Variants in ZFP1 observed in about 807,000 individuals in gnomAD.
ZFP1 encodes zinc finger protein 1 homolog.
In ZFP1, 32 loss-of-function variants were observed where a neutral mutation model predicts 38.5. That is an observed-to-expected ratio of 0.83 (90% confidence interval 0.63 to 1.12). ZFP1 has a LOEUF of 1.12. ZFP1 is among the 50% of genes most tolerant of loss of function. ZFP1 has a pLI of 0.00. For missense variants in ZFP1, 616 were observed against 480.8 expected (o/e 1.28, Z -2.63); for synonymous variants, 245 against 168.8 (o/e 1.45, Z -3.50).
At chr16:75,151,946 T>C (rs1450485996) in intron 1 of ZFP1, among the ~76,000 whole-genome samples, 2 of 152,192 alleles carry the variant, frequency 1.3e-5, no homozygotes, top group African/African-American at 4.8e-5. Context: ...TGAAAGATAT[T>C]TTTGCTGGGT....
chr16:75,135,230 A>AAAAAAAAAAAAAAAC, the ZFP1 span, among the ~76,000 whole-genome samples: 1 of 9,466 alleles, frequency 1.1e-4, no homozygotes, highest in Non-Finnish European at 2.6e-4. Flanking sequence ...AAAAAAAAAA[A>AAAAAAAAAAAAAAAC]AAACCACTGG....
upstream of ZFP1, among the ~76,000 whole-genome samples, chr16:75,144,861 C>T (rs2036926705): frequency 6.6e-6 from 1 of 152,100 alleles, no homozygotes; most frequent in African/African-American, 2.4e-5. Context: ...AACAGAGTCT[C>T]ATTCTACTAC....
upstream of ZFP1, among the ~76,000 whole-genome samples, chr16:75,146,375 G>T (rs559625305): frequency 1.3e-5 from 2 of 151,994 alleles, no homozygotes; most frequent in Non-Finnish European, 2.9e-5. Context: ...CGCTGTGTTA[G>T]CCAGGATGGT....
the ZFP1 span, among the ~76,000 whole-genome samples, chr16:75,133,425 C>A: frequency 6.6e-6 from 1 of 152,142 alleles, no homozygotes; most frequent in Non-Finnish European, 1.5e-5. Flanking sequence ...CTCCTCCCAC[C>A]CTCCACCGTC....
chr16:75,133,993 G>A, the ZFP1 span, among the ~76,000 whole-genome samples: 1 of 152,074 alleles, frequency 6.6e-6, no homozygotes, highest in Non-Finnish European at 1.5e-5. Flanking sequence ...AGGTTGCAGT[G>A]AGCCAAGATC....
chr16:75,139,483 G>A, the ZFP1 span, among the ~76,000 whole-genome samples: 1 of 151,650 alleles, frequency 6.6e-6, no homozygotes, highest in Non-Finnish European at 1.5e-5. Context: ...CTTGAGCCCA[G>A]GAGTTTGAGA....
the ZFP1 span, among the ~76,000 whole-genome samples, chr16:75,140,950 C>G: frequency 3.9e-5 from 6 of 152,058 alleles, no homozygotes; most frequent in East Asian, 5.9e-4. Context: ...CAGAGCAAGA[C>G]TCCATCTCAA....
chr16:75,158,541 A>C lies in ZFP1; in HGVS notation c.15+5575A>C, dbSNP rs544489047. On this transcript the variant is annotated intron_variant, in intron 2 of 3. Transcript: ENST00000570010. The stretch of plus-strand genomic sequence containing the variant: ...TTTTTATTTTTTTTGTCGTGATGAG[A>C]TCTTGCCTCCCAAAGGGCTGGGATT... Among the ~76,000 whole-genome samples the C allele has an allele frequency of 2.1e-4, 31 of 147,962 alleles. No individual in the cohort carries two copies. In the East Asian group the frequency reaches 6.1e-3, roughly 29 times the overall value.
chr16:75,147,316 C>A (rs553510136), upstream of ZFP1, among the ~76,000 whole-genome samples: 1 of 152,158 alleles, frequency 6.6e-6, no homozygotes, highest in Non-Finnish European at 1.5e-5. Flanking sequence ...GAGACAGGGT[C>A]ACCCAAGCTG....
Position 75,167,993 on chromosome 16 carries a change from G to A in ZFP1, c.142+1097G>A, listed in dbSNP as rs143410488. Among the ~76,000 whole-genome samples, 16 of 152,084 alleles carry A rather than the reference G, an allele frequency of 1.1e-4. 1 individual carries two copies. The highest frequency in any genetic ancestry group is 7.2e-4 in the Admixed American group (11 of 15,286). Reference sequence around the variant, plus strand: ...CTGTAATCCCAGCTACTCGGGAGACGGAGGTTGCAGTGAGCTGAGATCACA... The same window carrying A: ...CTGTAATCCCAGCTACTCGGGAGACAGAGGTTGCAGTGAGCTGAGATCACA... On this transcript the variant is annotated intron_variant, in intron 3 of 3. Coordinates refer to ENST00000570010, the MANE Select transcript of ZFP1 (RefSeq NM_153688.4).
At chr16:75,145,026 T>C (rs2145478931), upstream of ZFP1, among the ~76,000 whole-genome samples, 1 of 152,302 alleles carries the variant, frequency 6.6e-6, no homozygotes, top group East Asian at 1.9e-4. Context: ...TTTTCAAGTT[T>C]TAATCACGTT....
intron 1 of ZFP1, among the ~76,000 whole-genome samples, chr16:75,151,187 T>A (rs1169868928): frequency 6.6e-6 from 1 of 152,062 alleles, no homozygotes; most frequent in Non-Finnish European, 1.5e-5. Flanking sequence ...ATCTTTTTTT[T>A]TTTTAATTTC....
chr16:75,139,796 G>A, the ZFP1 span, among the ~76,000 whole-genome samples: 1 of 152,178 alleles, frequency 6.6e-6, no homozygotes, highest in African/African-American at 2.4e-5. Context: ...GGGGAAGGAA[G>A]AAATGGGAGT....
the ZFP1 span, among the ~76,000 whole-genome samples, chr16:75,140,816 G>A: frequency 1.3e-5 from 2 of 152,030 alleles, no homozygotes; most frequent in African/African-American, 2.4e-5. Context: ...AAAATTAGCC[G>A]GGCGTGGTGT....
chr16:75,167,052 T>C (rs2038128294), intron 3 of ZFP1, 156 bp downstream of exon 3: 4 of 1,370,040 alleles, frequency 2.9e-6, no homozygotes, highest in Non-Finnish European at 3.9e-6. Context: ...AGCTCTATCA[T>C]CTCCTTTCCT....
rs963609627 is a variant in ZFP1 at position 75,166,805 on chromosome 16, T to C, written c.51T>C (p.Phe17=). Residue 17 remains phenylalanine, a synonymous_variant, in exon 3 of 4, where the codon TTT becomes TTC. Transcript: ENST00000570010. ...SVSFTDVTVD[F]TQEEWEQLDP... ...CATTCACGGATGTGACTGTGGACTTTACCCAGGAGGAATGGGAACAACTGG... is the reference window on the plus strand; with the variant it reads ...CATTCACGGATGTGACTGTGGACTTCACCCAGGAGGAATGGGAACAACTGG... 9.9e-6 allele frequency: 16 copies of C among 1,614,098 alleles called. No homozygotes were observed. The highest frequency in any genetic ancestry group is 1.7e-5 in the Admixed American group (1 of 60,006).
intron 2 of ZFP1, among the ~76,000 whole-genome samples, chr16:75,166,157 C>A (rs1350742773): frequency 6.6e-6 from 1 of 152,102 alleles, no homozygotes; most frequent in African/African-American, 2.4e-5. Context: ...AGAAATAATG[C>A]CTATGTGAGC....
At chr16:75,123,767 C>G in the ZFP1 span, among the ~76,000 whole-genome samples, 1 of 151,070 alleles carries the variant, frequency 6.6e-6, no homozygotes, top group Non-Finnish European at 1.5e-5. Flanking sequence ...TGTGAGCCAC[C>G]ACACAGGCCA....
chr16:75,167,813 C>T (rs747712206), intron 3 of ZFP1, among the ~76,000 whole-genome samples: 9 of 152,250 alleles, frequency 5.9e-5, no homozygotes, highest in South Asian at 2.1e-4. Flanking sequence ...CTCCTGACCC[C>T]AGGCCAGGCG....
Sources: gnomAD v4.1 joint callset for allele counts (sites outside exome capture counted in the v4.1 genomes callset) on GRCh38, gnomAD v4.1.1 for gene constraint, MANE v1.5 for transcripts, NCBI Gene and HGNC (gene_info 2026-07-23, HGNC 2026-07-21) for gene names.